Variants in ATAD3C observed in about 807,000 individuals in gnomAD.
The protein encoded by ATAD3C is ATPase family AAA domain-containing protein 3C.
A neutral mutation model predicts 46.3 loss-of-function variants in ATAD3C; 38 were observed. The observed-to-expected ratio is 0.82, with a 90% confidence interval of 0.63 to 1.08. ATAD3C has a LOEUF of 1.08. ATAD3C is among the 50% of genes least tolerant of loss of function. The pLI is 0.00. For missense variants in ATAD3C, 563 were observed against 572.7 expected, an observed-to-expected ratio of 0.98 and a Z score of 0.17; for synonymous variants, 220 against 236.4, an observed-to-expected ratio of 0.93 and a Z score of 0.63.
chr1:1,463,434 G>A (rs1639101536), intron 11 of ATAD3C, among the ~76,000 whole-genome samples: 1 of 152,104 alleles, frequency 6.6e-6, no homozygotes, highest in Non-Finnish European at 1.5e-5. Context: ...GCTTAATGAA[G>A]TAGCCAACTA....
chr1:1,450,845 G>C (rs1638846757), intron 1 of ATAD3C, 87 bp downstream of exon 1: 2 of 1,574,078 alleles, frequency 1.3e-6, no homozygotes, highest in Non-Finnish European at 1.7e-6. Context: ...GGTGGGTAGG[G>C]CCGGGGGTGT....
chr1:1,457,105 G>A lies in ATAD3C; in HGVS notation c.690-24G>A, dbSNP rs372562190. ...CTGCTCCTGGCATCACTCTCACCCAGCTTGGCCTCCCTCTCGTCCACAGCC... is the reference window on the plus strand; with the variant it reads ...CTGCTCCTGGCATCACTCTCACCCAACTTGGCCTCCCTCTCGTCCACAGCC... On this transcript the variant is annotated intron_variant, in intron 7 of 11. Coordinates refer to ENST00000378785, the MANE Select transcript of ATAD3C (RefSeq NM_001039211.3). 15 of 1,612,930 alleles carry A rather than the reference G, an allele frequency of 9.3e-6. No individual in the cohort carries two copies. In the African/African-American group the frequency reaches 2.0e-4, roughly 22 times the overall value.
chr1:1,462,735 C>T lies in ATAD3C; in HGVS notation c.1089+27C>T, dbSNP rs1402416813. 3.8e-6 allele frequency: 6 copies of T among 1,577,356 alleles called. 1 individual carries two copies. Among genetic ancestry groups the T allele is most frequent in the Non-Finnish European group, 5.2e-6 (6 of 1,159,428 alleles). ...TGAGTCAGGCTCGGGTGCACCCACC[C>T]AGATGGAAGCCCAGCTGCTGTGCAG... On this transcript the variant is annotated intron_variant, in intron 11 of 11. Transcript: ENST00000378785. The surrounding 1 kb of genome is among the most constrained non-coding windows in gnomAD (Gnocchi z 4.5).
Position 1,462,938 on chromosome 1 carries a change from T to A in ATAD3C, c.1089+230T>A, listed in dbSNP as rs1570157282. Among the ~76,000 whole-genome samples the A allele has an allele frequency of 6.6e-6, 1 of 152,082 alleles. No homozygotes were observed. Among genetic ancestry groups the A allele is most frequent in the Non-Finnish European group, 1.5e-5 (1 of 67,976 alleles). On this transcript the variant is annotated intron_variant, in intron 11 of 11. Coordinates refer to ENST00000378785, the MANE Select transcript of ATAD3C (RefSeq NM_001039211.3). This position sits in a 1 kb window ranked among gnomAD's most constrained non-coding sequence, Gnocchi z 4.5. The stretch of plus-strand genomic sequence containing the variant: ...CATGTCAGTGGCTGACGGTCACAGG[T>A]CAGGAAGCCAGTGCGGCCTCCTAGT...
At position 1,449,779 on chromosome 1, in the gene ATAD3C, G is replaced by A. The variant is rs1040800204; in HGVS notation, c.-905G>A. On this transcript the variant is annotated 5_prime_UTR_variant, in exon 1 of 12. Coordinates refer to ENST00000378785, the MANE Select transcript of ATAD3C (RefSeq NM_001039211.3). The stretch of plus-strand genomic sequence containing the variant: ...TTTTTATGGTAAAATTTTGTGATGG[G>A]AAAACTCATCCCGGAAAATGTTGAG... 6.6e-6 allele frequency: 1 copy of A among 151,904 alleles called. No individual in the cohort carries two copies. Among genetic ancestry groups the A allele is most frequent in the Non-Finnish European group, 1.5e-5 (1 of 67,932 alleles). 9.4% of individuals were successfully genotyped at this position (151,904 alleles called of 1,614,324 possible). A position where few individuals can be genotyped will look rare whatever the true frequency, so the allele number is the denominator to read the frequency against.
Position 1,460,700 on chromosome 1 carries a change from A to G in ATAD3C, c.813-50A>G, listed in dbSNP as rs1414636509. 2.6e-6 allele frequency: 4 copies of G among 1,540,128 alleles called. No individual in the cohort carries two copies. In the African/African-American group the frequency reaches 5.5e-5, roughly 21 times the overall value. On this transcript the variant is annotated intron_variant, in intron 9 of 11. Transcript: ENST00000378785. Reference sequence around the variant, plus strand: ...CTGAGGAGCACCTGTTCCCCTGGGGACAGCTCGGCCGGCAGCCCCAGCGTT... The same window carrying G: ...CTGAGGAGCACCTGTTCCCCTGGGGGCAGCTCGGCCGGCAGCCCCAGCGTT...
intron 8 of ATAD3C, among the ~76,000 whole-genome samples, chr1:1,458,144 A>C (rs1638998341): frequency 7.4e-6 from 1 of 136,002 alleles, no homozygotes; most frequent in Non-Finnish European, 1.6e-5. Context: ...ACATCCAGAT[A>C]AGTTTTTTGT....
In ATAD3C at chr1:1,459,133, G is replaced by C; in HGVS notation, c.742-28G>C. The C allele has an allele frequency of 6.3e-7, 1 of 1,595,066 alleles. No homozygotes were observed. Among genetic ancestry groups the C allele is most frequent in the East Asian group, 2.3e-5 (1 of 44,330 alleles). On this transcript the variant is annotated intron_variant, in intron 8 of 11. Coordinates refer to ENST00000378785, the MANE Select transcript of ATAD3C (RefSeq NM_001039211.3). This position sits in a 1 kb window ranked among gnomAD's most constrained non-coding sequence, Gnocchi z 4.9. ...CTGTTTACAAGGCTTTGCTCCTGGT[G>C]CCTAAGGCTGGAACCTTCTCTCTGC...
Position 1,462,721 on chromosome 1 carries a change from C to T in ATAD3C, c.1089+13C>T, listed in dbSNP as rs748976372. ...CGTGTCCTGGCAGGTGAGTCAGGCT[C>T]GGGTGCACCCACCCAGATGGAAGCC... is the stretch of plus-strand genomic sequence containing the variant. On this transcript the variant is annotated intron_variant, in intron 11 of 11. Coordinates refer to ENST00000378785, the MANE Select transcript of ATAD3C (RefSeq NM_001039211.3). This position sits in a 1 kb window ranked among gnomAD's most constrained non-coding sequence, Gnocchi z 4.5. 1.1e-5 allele frequency: 17 copies of T among 1,591,752 alleles called. No individual in the cohort carries two copies. The highest frequency in any genetic ancestry group is 3.4e-5 in the South Asian group (3 of 87,700).
At position 1,468,428 on chromosome 1, in the gene ATAD3C, G is replaced by C. The variant is rs754913611; in HGVS notation, c.1134G>C (p.Met378Ile). ...AGGACGGGGTCCTGACCGAGGCCAT[G>C]ATGGACGCCTGCGTGCAAGACTTTG... ...ASKDGVLTEAMMDACVQDFVQ... is the reference protein window; with the variant it reads ...ASKDGVLTEAIMDACVQDFVQ... Residue 378 changes from methionine to isoleucine, a missense_variant, in exon 12 of 12, where the codon ATG becomes ATC. Around this residue, in one of 3 missense-constraint regions of ATAD3C, gnomAD observed 273 missense variants for 253.5 expected, o/e 1.08. Transcript: ENST00000378785. 1 of 1,613,196 alleles carries C rather than the reference G, an allele frequency of 6.2e-7. No individual in the cohort carries two copies. Among genetic ancestry groups the C allele is most frequent in the Non-Finnish European group, 8.5e-7 (1 of 1,179,542 alleles).
chr1:1,462,715 C>A lies in ATAD3C; in HGVS notation c.1089+7C>A. On this transcript the variant is annotated splice_region_variant and intron_variant, in intron 11 of 11. Coordinates refer to ENST00000378785, the MANE Select transcript of ATAD3C (RefSeq NM_001039211.3). The surrounding 1 kb of genome is among the most constrained non-coding windows in gnomAD (Gnocchi z 4.5). ...GCTGGCCGTGTCCTGGCAGGTGAGT[C>A]AGGCTCGGGTGCACCCACCCAGATG... The A allele has an allele frequency of 6.3e-7, 1 of 1,596,316 alleles. No individual in the cohort carries two copies. The highest frequency in any genetic ancestry group is 8.5e-7 in the Non-Finnish European group (1 of 1,172,010).
chr1:1,454,997 T>C (rs1181622628), intron 4 of ATAD3C, among the ~76,000 whole-genome samples: 1 of 151,018 alleles, frequency 6.6e-6, no homozygotes, highest in African/African-American at 2.4e-5. Context: ...AGGTGGATCA[T>C]GAGGTCAGGA....
chr1:1,453,110 T>G (rs780050975), intron 3 of ATAD3C, among the ~76,000 whole-genome samples: 2 of 152,094 alleles, frequency 1.3e-5, no homozygotes. Flanking sequence ...GGTGGCCTGG[T>G]CAGTGTGACG....
At position 1,469,117 on chromosome 1, in the gene ATAD3C, A is replaced by T. The variant is rs1639198629; in HGVS notation, c.*587A>T. 6.9e-6 allele frequency: 1 copy of T among 145,930 alleles called. No individual in the cohort carries two copies. Among genetic ancestry groups the T allele is most frequent in the African/African-American group, 2.6e-5 (1 of 38,592 alleles). The allele number at this position is 145,930 out of a possible 1,614,324, so 9.0% of individuals were successfully genotyped here. On this transcript the variant is annotated 3_prime_UTR_variant, in exon 12 of 12. Transcript: ENST00000378785. ...TCTCTCCTAAAAAAAAAAAAAAAAA[A>T]AAAAAAAAAAAAAAAAAAATTAGCC...
rs1363212735 is a variant in ATAD3C at position 1,469,676 on chromosome 1, TG to T, written c.*1147del. On this transcript the variant is annotated 3_prime_UTR_variant, in exon 12 of 12. Coordinates refer to ENST00000378785, the MANE Select transcript of ATAD3C (RefSeq NM_001039211.3). ...CAGGCTTGAGCCACCGTGCCTGGTC[TG>T]TTTTTTTTTTTTTTTTGGCAATAGA... 6.7e-6 allele frequency: 1 copy of T among 149,600 alleles called. No individual in the cohort carries two copies. Among genetic ancestry groups the T allele is most frequent in the Non-Finnish European group, 1.5e-5 (1 of 67,430 alleles). 9.3% of individuals were successfully genotyped at this position (149,600 alleles called of 1,614,324 possible). A position where few individuals can be genotyped will look rare whatever the true frequency, so the allele number is the denominator to read the frequency against.
chr1:1,450,972 G>A (rs932809955), intron 1 of ATAD3C, among the ~76,000 whole-genome samples: 1 of 152,060 alleles, frequency 6.6e-6, no homozygotes, highest in East Asian at 1.9e-4. Context: ...GCCGGTGTTG[G>A]TGAGGGCGTC....
chr1:1,466,533 C>T (rs1327282497), intron 11 of ATAD3C, among the ~76,000 whole-genome samples: 1 of 106,978 alleles, frequency 9.3e-6, no homozygotes, highest in Non-Finnish European at 1.7e-5. Flanking sequence ...GAGATGTCAT[C>T]TCAAAAAAAA....
In ATAD3C at chr1:1,462,308, C is replaced by T. The variant is rs1639081697; in HGVS notation, c.981-292C>T. Among the ~76,000 whole-genome samples, 1 of 152,058 alleles carries T rather than the reference C, an allele frequency of 6.6e-6. No individual in the cohort carries two copies. Among genetic ancestry groups the T allele is most frequent in the Non-Finnish European group, 1.5e-5 (1 of 67,986 alleles). On this transcript the variant is annotated intron_variant, in intron 10 of 11. Transcript: ENST00000378785. The surrounding 1 kb of genome is among the most constrained non-coding windows in gnomAD (Gnocchi z 4.5). The stretch of plus-strand genomic sequence containing the variant: ...AGGCAGAAGCTTTTTTGCTAGAACT[C>T]AGGGCTCTGCCACTGCCAGTTTAAC...
rs1283620379 is a variant in ATAD3C at position 1,461,833 on chromosome 1, G to A, written c.981-767G>A. On this transcript the variant is annotated intron_variant, in intron 10 of 11. Coordinates refer to ENST00000378785, the MANE Select transcript of ATAD3C (RefSeq NM_001039211.3). ...TGGCCTCCCTGCAGCTGCCACACCC[G>A]GCCCTGGAGCCTCGTGGTGTGGGGC... Among the ~76,000 whole-genome samples the A allele has an allele frequency of 5.3e-5, 8 of 152,194 alleles. No individual in the cohort carries two copies. The East Asian group carries it at 5.8e-4, about 11-fold the overall frequency.
Sources: gnomAD v4.1 joint callset for allele counts (sites outside exome capture counted in the v4.1 genomes callset) on GRCh38, gnomAD v4.1.1 for gene constraint, gnomAD v4.1.1 regional missense constraint, Gnocchi (gnomAD v3.1) non-coding constraint, MANE v1.5 for transcripts, NCBI Gene and HGNC (gene_info 2026-07-23, HGNC 2026-07-21) for gene names.